PLCB1: variants seen among roughly 807,000 people sequenced by gnomAD.
PLCB1 encodes the protein 1-phosphatidylinositol 4,5-bisphosphate phosphodiesterase beta-1.
A neutral mutation model predicts 161.8 loss-of-function variants in PLCB1; 46 were observed. The ratio of observed to expected loss-of-function variants is 0.28; its 90% CI spans 0.22 to 0.36. PLCB1 has a LOEUF of 0.36. PLCB1 is among the 10% of genes least tolerant of loss of function. The probability of loss-of-function intolerance (pLI) is 1.00; values close to 1 mark genes in which losing one functional copy is unlikely to be tolerated. For missense variants in PLCB1, 1,016 were observed against 1,472.5 expected, an observed-to-expected ratio of 0.69 and a Z score of 5.07; for synonymous variants, 517 against 503.7, an observed-to-expected ratio of 1.03 and a Z score of -0.35.
chr20:8,142,905 C>G (rs1453005431), intron 1 of PLCB1, among the ~76,000 whole-genome samples: 1 of 152,170 alleles, frequency 6.6e-6, no homozygotes, highest in African/African-American at 2.4e-5. Context: ...CTTGGGCCAC[C>G]TCCATTATTC....
At chr20:8,372,883 C>T (rs955786846) in intron 3 of PLCB1, among the ~76,000 whole-genome samples, 7 of 152,106 alleles carry the variant, frequency 4.6e-5, no homozygotes, top group South Asian at 4.1e-4. Flanking sequence ...AGACAGTTGC[C>T]GACACTGCAT....
At chr20:8,268,175 T>C (rs6039116) in intron 2 of PLCB1, among the ~76,000 whole-genome samples, 3,636 of 152,096 alleles carry the variant, frequency 0.024, 131 homozygotes, top group African/African-American at 0.083. Context: ...GTCCAAGTGT[T>C]CTCATTGTTC....
chr20:8,579,013 T>C (rs964697191), intron 3 of PLCB1, among the ~76,000 whole-genome samples: 1 of 152,254 alleles, frequency 6.6e-6, no homozygotes, highest in African/African-American at 2.4e-5. Context: ...TCTTGTTTGT[T>C]TTCAGAGCAC....
At chr20:8,813,451 A>G (rs745579033) in intron 31 of PLCB1, among the ~76,000 whole-genome samples, 10 of 152,116 alleles carry the variant, frequency 6.6e-5, no homozygotes, top group Non-Finnish European at 1.2e-4. Context: ...CTCTAAAGTA[A>G]ACTATTTCAC....
At chr20:8,225,085 T>G (rs1232888915) in intron 2 of PLCB1, among the ~76,000 whole-genome samples, 1 of 152,184 alleles carries the variant, frequency 6.6e-6, no homozygotes, top group Non-Finnish European at 1.5e-5. Flanking sequence ...TTCTCTGCTG[T>G]CCCCAAGGCA....
chr20:8,729,987 T>C (rs1437081151), intron 18 of PLCB1: 1 of 152,018 alleles, frequency 6.6e-6, no homozygotes, highest in Non-Finnish European at 1.5e-5. Context: ...ATTTCTTGAA[T>C]CATTATTAAG....
chr20:8,460,426 G>A (rs1179457965), intron 3 of PLCB1, among the ~76,000 whole-genome samples: 2 of 152,154 alleles, frequency 1.3e-5, no homozygotes, highest in Non-Finnish European at 2.9e-5. Context: ...AAATTATGAT[G>A]CCTATTCAAG....
At chr20:8,542,450 A>ACAAG in intron 3 of PLCB1, among the ~76,000 whole-genome samples, 1 of 152,258 alleles carries the variant, frequency 6.6e-6, no homozygotes, top group East Asian at 1.9e-4. Flanking sequence ...CACACGGGAT[A>ACAAG]TTATGTTGAA....
chr20:8,660,421 A>T (rs1196619936), intron 9 of PLCB1, among the ~76,000 whole-genome samples: 1 of 152,158 alleles, frequency 6.6e-6, no homozygotes, highest in Non-Finnish European at 1.5e-5. Context: ...TCTAAAAATC[A>T]GTTAGCCCAC....
At chr20:8,570,184 A>C (rs1202033846) in intron 3 of PLCB1, among the ~76,000 whole-genome samples, 3 of 152,188 alleles carry the variant, frequency 2.0e-5, no homozygotes, top group African/African-American at 7.2e-5. Flanking sequence ...CCATTGAACA[A>C]AATTTCAGAG....
At chr20:8,873,423 G>C (rs1054569067) in intron 31 of PLCB1, among the ~76,000 whole-genome samples, 7 of 152,006 alleles carry the variant, frequency 4.6e-5, no homozygotes, top group Admixed American at 4.6e-4. Context: ...AGTAATTCTC[G>C]TAAAATTGTC....
chr20:8,561,957 A>G (rs1485272460), intron 3 of PLCB1, among the ~76,000 whole-genome samples: 1 of 151,976 alleles, frequency 6.6e-6, no homozygotes, highest in Non-Finnish European at 1.5e-5. Flanking sequence ...TTGCAGCAAA[A>G]AACTCCCCTG....
intron 3 of PLCB1, among the ~76,000 whole-genome samples, chr20:8,614,361 TACAC>T (rs1004096138): frequency 2.1e-5 from 3 of 142,606 alleles, no homozygotes; most frequent in Admixed American, 1.4e-4. Context: ...CATATACACA[TACAC>T]ACACACAGAT....
At chr20:8,209,147 C>T (rs1443092599) in intron 2 of PLCB1, among the ~76,000 whole-genome samples, 7 of 151,888 alleles carry the variant, frequency 4.6e-5, no homozygotes, top group African/African-American at 7.3e-5. Flanking sequence ...ACCACAGGAA[C>T]TCTGGCTGCT....
intron 2 of PLCB1, among the ~76,000 whole-genome samples, chr20:8,236,269 A>T (rs1980315792): frequency 6.6e-6 from 1 of 152,102 alleles, no homozygotes; most frequent in Non-Finnish European, 1.5e-5. Context: ...AGTGACTCAC[A>T]CTTGTAATCC....
intron 3 of PLCB1, among the ~76,000 whole-genome samples, chr20:8,615,745 C>T (rs905655566): frequency 6.6e-6 from 1 of 152,188 alleles, no homozygotes; most frequent in African/African-American, 2.4e-5. Context: ...ACATCTTGCT[C>T]TGCAAGTTGC....
intron 3 of PLCB1, among the ~76,000 whole-genome samples, chr20:8,490,610 C>T (rs1265731873): frequency 1.3e-5 from 2 of 152,148 alleles, no homozygotes; most frequent in African/African-American, 4.8e-5. Context: ...CTTTCAGTTG[C>T]TCCACTTTCT....
intron 2 of PLCB1, among the ~76,000 whole-genome samples, chr20:8,201,321 T>C (rs1373916021): frequency 6.6e-6 from 1 of 152,082 alleles, no homozygotes; most frequent in Non-Finnish European, 1.5e-5. Flanking sequence ...ATATTGTGGG[T>C]TTTTTTAACC....
chr20:8,859,698 C>G (rs907775824), intron 31 of PLCB1, among the ~76,000 whole-genome samples: 10 of 152,036 alleles, frequency 6.6e-5, no homozygotes, highest in Non-Finnish European at 8.8e-5. Context: ...TTGTTGAAGT[C>G]TTTTCCACAG....
Sources: gnomAD v4.1 joint callset for allele counts (sites outside exome capture counted in the v4.1 genomes callset) on GRCh38, gnomAD v4.1.1 for gene constraint, MANE v1.5 for transcripts, NCBI Gene and HGNC (gene_info 2026-07-23, HGNC 2026-07-21) for gene names.